CSMD2: variants seen among roughly 807,000 people sequenced by gnomAD.
CSMD2 encodes the protein CUB and Sushi multiple domains 2, also known as CUB and sushi domain-containing protein 2.
CSMD2 carries 130 observed loss-of-function variants against 398.5 expected under a neutral mutation model. The ratio of observed to expected loss-of-function variants is 0.33; its 90% CI spans 0.28 to 0.38. CSMD2 has a LOEUF of 0.38. CSMD2 is among the 10% of genes least tolerant of loss of function. The probability of loss-of-function intolerance (pLI) is 1.00; values close to 1 mark genes in which losing one functional copy is unlikely to be tolerated. For synonymous variants in CSMD2, 1,828 were observed against 1,908.5 expected, an observed-to-expected ratio of 0.96 and a Z score of 1.10; for missense variants, 3,829 against 4,764.9, an observed-to-expected ratio of 0.80 and a Z score of 5.78.
At chr1:33,786,938 T>C (rs1465870399) in intron 12 of CSMD2, among the ~76,000 whole-genome samples, 1 of 152,228 alleles carries the variant, frequency 6.6e-6, no homozygotes, top group East Asian at 1.9e-4. Context: ...TGACTTCTGG[T>C]ACTTATAAAT....
chr1:33,762,056 A>G (rs138702592), intron 13 of CSMD2, among the ~76,000 whole-genome samples: 1 of 152,348 alleles, frequency 6.6e-6, no homozygotes, highest in African/African-American at 2.4e-5. Flanking sequence ...AGGCCCTCTT[A>G]GAAAGCCAAG....
rs1309215963 is a variant in CSMD2 at position 33,550,450 on chromosome 1, A to G, written c.8744-100T>C. ...CTTTAAGCAAGAGGCTGGGAAGAAGAGAAACCCAAGGGTATCTGTTGAAGC... is the reference window on the plus strand; with the variant it reads ...CTTTAAGCAAGAGGCTGGGAAGAAGGGAAACCCAAGGGTATCTGTTGAAGC... On this transcript the variant is annotated intron_variant, in intron 55 of 70. Transcript: ENST00000373381. 7 of 1,286,472 alleles carry G rather than the reference A, an allele frequency of 5.4e-6. 1 individual carries two copies. In the Admixed American group the frequency reaches 1.3e-4, roughly 24 times the overall value. 79.7% of individuals were successfully genotyped at this position (1,286,472 alleles called of 1,614,324 possible). A position where few individuals can be genotyped will look rare whatever the true frequency, so the allele number is the denominator to read the frequency against.
chr1:33,536,706 C>T (rs1655822210), intron 62 of CSMD2, among the ~76,000 whole-genome samples: 1 of 149,744 alleles, frequency 6.7e-6, no homozygotes, highest in Non-Finnish European at 1.5e-5. Flanking sequence ...GTGGGGTGGG[C>T]ACCGTGAGGA....
rs929843598 is a variant in CSMD2, at chr1:33,743,554, G to T, written c.1899C>A (p.Asn633Lys). 2 of 1,612,782 alleles carry T rather than the reference G, an allele frequency of 1.2e-6. No individual in the cohort carries two copies. Among genetic ancestry groups the T allele is most frequent in the Admixed American group, 1.7e-5 (1 of 59,960 alleles). Reference protein sequence around the residue: ...TSPSGVVLSPNYPEDYGNHLH... With the variant: ...TSPSGVVLSPKYPEDYGNHLH... ...GGTGGTTGCCATAGTCCTCTGGGTA[G>T]TTGGGAGACAGGACAACCCCAGACG... Residue 633 changes from asparagine (N) to lysine (K), a missense_variant, in exon 14 of 71, where the codon AAC (asparagine) becomes AAA (lysine). By Grantham distance (94) the Asn-to-Lys change is moderately conservative. Transcript: ENST00000373381.
intron 53 of CSMD2, among the ~76,000 whole-genome samples, chr1:33,567,344 A>G (rs187084709): frequency 8.5e-4 from 130 of 152,134 alleles, no homozygotes; most frequent in Non-Finnish European, 1.5e-3. Context: ...CAAAAGCTAG[A>G]AAATGAACAA....
At chr1:33,608,475 A>T (rs1055503895) in intron 41 of CSMD2, among the ~76,000 whole-genome samples, 2 of 152,202 alleles carry the variant, frequency 1.3e-5, no homozygotes, top group African/African-American at 2.4e-5. Flanking sequence ...CAAGGGGCTG[A>T]AATATGTCTC....
intron 25 of CSMD2, among the ~76,000 whole-genome samples, chr1:33,679,487 A>G (rs1368861091): frequency 6.6e-6 from 1 of 152,180 alleles, no homozygotes; most frequent in Non-Finnish European, 1.5e-5. Context: ...GGCGTGAGCC[A>G]CTGCGCCCAG....
chr1:33,831,003 G>A (rs1280544184), intron 6 of CSMD2, among the ~76,000 whole-genome samples: 4 of 152,178 alleles, frequency 2.6e-5, no homozygotes, highest in African/African-American at 7.2e-5. Context: ...AAGAAATATG[G>A]GACTATGTGA....
At chr1:33,730,436 A>C in intron 15 of CSMD2, among the ~76,000 whole-genome samples, 1 of 152,322 alleles carries the variant, frequency 6.6e-6, no homozygotes, top group South Asian at 2.1e-4. Context: ...AAATAATTAA[A>C]ATGAAAGATT....
At chr1:34,117,931 C>T (rs1391308552) in intron 1 of CSMD2, among the ~76,000 whole-genome samples, 1 of 152,204 alleles carries the variant, frequency 6.6e-6, no homozygotes, top group South Asian at 2.1e-4. Flanking sequence ...AAACACTCAG[C>T]CAGGCGTGGT....
At chr1:33,830,033 T>G (rs926732675) in intron 6 of CSMD2, among the ~76,000 whole-genome samples, 2 of 152,168 alleles carry the variant, frequency 1.3e-5, no homozygotes, top group Non-Finnish European at 1.5e-5. Context: ...AGTGCACCAC[T>G]GCTCAAGGAG....
chr1:33,943,468 C>T (rs1291885228), intron 3 of CSMD2, among the ~76,000 whole-genome samples: 2 of 152,214 alleles, frequency 1.3e-5, no homozygotes, highest in African/African-American at 4.8e-5. Context: ...ACTATAAATA[C>T]TGTCACAATG....
intron 55 of CSMD2, among the ~76,000 whole-genome samples, chr1:33,556,852 C>A (rs1471739132): frequency 6.6e-6 from 1 of 152,194 alleles, no homozygotes; most frequent in Non-Finnish European, 1.5e-5. Context: ...CTCTCCCCTG[C>A]CACCATGTGA....
rs756674918 is a variant in CSMD2, at chr1:33,636,343, C to T, written c.4969+17G>A. 7 of 1,575,784 alleles carry T rather than the reference C, an allele frequency of 4.4e-6. No homozygotes were observed. Among genetic ancestry groups the T allele is most frequent in the Middle Eastern group, 1.7e-4 (1 of 5,832 alleles). ...CCTCAGTTCCTCAGACCCCTGCCAT[C>T]CCCAGGCTTCCACCACCTGTGCAGA... On this transcript the variant is annotated intron_variant, in intron 30 of 70. Transcript: ENST00000373381. The surrounding 1 kb of genome is among the most constrained non-coding windows in gnomAD (Gnocchi z 4.8).
At chr1:34,086,634 A>C (rs1422395083) in intron 2 of CSMD2, among the ~76,000 whole-genome samples, 1 of 152,176 alleles carries the variant, frequency 6.6e-6, no homozygotes, top group Non-Finnish European at 1.5e-5. Context: ...TGTTTGGAAT[A>C]CAGCACAGAG....
intron 5 of CSMD2, chr1:33,884,462 G>T: frequency 6.6e-6 from 1 of 152,250 alleles, no homozygotes; most frequent in Non-Finnish European, 1.5e-5. Context: ...TCCTCCTCCC[G>T]CTTTGTCCCT....
intron 11 of CSMD2, among the ~76,000 whole-genome samples, chr1:33,790,845 CATCT>C (rs1553207630): frequency 1.6e-5 from 2 of 128,610 alleles, no homozygotes; most frequent in Admixed American, 1.6e-4. Flanking sequence ...ATCTATCTAT[CATCT>C]ATCTATCTAT....
intron 25 of CSMD2, among the ~76,000 whole-genome samples, chr1:33,687,586 A>T (rs879895773): frequency 6.6e-5 from 10 of 152,198 alleles, no homozygotes; most frequent in African/African-American, 9.6e-5. Context: ...ATAGAAGCAT[A>T]ATGTATTCTG....
In CSMD2 at chr1:33,728,312, T is replaced by C. The variant is rs145817358; in HGVS notation, c.2369-1627A>G. On this transcript the variant is annotated intron_variant, in intron 15 of 70. Transcript: ENST00000373381. ...TCGAGGTAATCAGTTTCATAAAAGA[T>C]AGTCTAATATACCCAATCCTCTTTT... 4.1e-5 allele frequency among the ~76,000 whole-genome samples: 6 copies of C among 145,740 alleles called. No individual in the cohort carries two copies. In the East Asian group the frequency reaches 6.2e-4, roughly 15 times the overall value.
Sources: allele counts gnomAD v4.1 joint callset (sites outside exome capture counted in the v4.1 genomes callset), GRCh38; gene constraint gnomAD v4.1.1; non-coding constraint Gnocchi (gnomAD v3.1); transcripts MANE v1.5; gene names NCBI Gene and HGNC (gene_info 2026-07-23, HGNC 2026-07-21).